Variants in CADM2 observed in about 807,000 individuals in gnomAD.
CADM2 encodes immunoglobulin superfamily member 4D.
A neutral mutation model predicts 49.8 loss-of-function variants in CADM2; 12 were observed. The observed-to-expected ratio is 0.24, with a 90% confidence interval of 0.15 to 0.39. CADM2 has a LOEUF of 0.39. CADM2 is among the 10% of genes least tolerant of loss of function. CADM2 has a pLI of 1.00. For synonymous variants in CADM2, 214 were observed against 175.4 expected, an observed-to-expected ratio of 1.22 and a Z score of -1.74; for missense variants, 378 against 492.3, an observed-to-expected ratio of 0.77 and a Z score of 2.20.
In CADM2 at chr3:85,448,839, A is replaced by G. The variant is rs554820513; in HGVS notation, c.62-277683A>G. Among the ~76,000 whole-genome samples, 309 of 151,976 alleles carry G rather than the reference A, an allele frequency of 2.0e-3. 1 individual carries two copies. The highest frequency in any genetic ancestry group is 4.0e-3 in the Non-Finnish European group (271 of 67,934). On this transcript the variant is annotated intron_variant, in intron 1 of 9. Transcript: ENST00000383699. ...GTCGAGGCTTGTGGATCACGAGGTC[A>G]GGAGATCGAGACCATCCTGGCTAAC... is the stretch of plus-strand genomic sequence containing the variant.
At chr3:85,213,320 A>G (rs2041845510) in intron 1 of CADM2, among the ~76,000 whole-genome samples, 2 of 151,928 alleles carry the variant, frequency 1.3e-5, no homozygotes, top group Admixed American at 1.3e-4. Flanking sequence ...TGTTTGAAGA[A>G]TATTTTCACT....
chr3:85,020,309 C>T (rs542287934), intron 1 of CADM2, among the ~76,000 whole-genome samples: 25 of 152,188 alleles, frequency 1.6e-4, no homozygotes, highest in African/African-American at 6.0e-4. Context: ...CAGACATTTG[C>T]TTTAGGATTA....
At chr3:85,177,595 G>T (rs773882592) in intron 1 of CADM2, among the ~76,000 whole-genome samples, 3 of 151,736 alleles carry the variant, frequency 2.0e-5, no homozygotes, top group Non-Finnish European at 4.4e-5. Context: ...CAAGGTGACT[G>T]CAGAAAACCC....
chr3:85,544,446 G>C (rs1236579386), intron 1 of CADM2, among the ~76,000 whole-genome samples: 2 of 152,072 alleles, frequency 1.3e-5, no homozygotes, highest in African/African-American at 2.4e-5. Context: ...GCGCTGTGGC[G>C]GACGCCTGTA....
At chr3:85,692,097 C>T (rs1399625065) in intron 1 of CADM2, among the ~76,000 whole-genome samples, 2 of 152,010 alleles carry the variant, frequency 1.3e-5, no homozygotes, top group East Asian at 1.9e-4. Context: ...GCACAATGTG[C>T]ACATGTACCC....
chr3:84,973,414 G>A (rs1258288006), intron 1 of CADM2, among the ~76,000 whole-genome samples: 4 of 151,836 alleles, frequency 2.6e-5, no homozygotes, highest in African/African-American at 7.3e-5. Flanking sequence ...TCCTGAAAAC[G>A]TTCTCAGTAT....
chr3:85,147,275 C>CAAAAA (rs759888985), intron 1 of CADM2, among the ~76,000 whole-genome samples: 29 of 46,002 alleles, frequency 6.3e-4, no homozygotes, highest in East Asian at 1.4e-3. Flanking sequence ...GACTCTGTCT[C>CAAAAA]AAAAAAAAAA....
chr3:85,650,257 G>A (rs1456754133), intron 1 of CADM2, among the ~76,000 whole-genome samples: 1 of 152,140 alleles, frequency 6.6e-6, no homozygotes, highest in African/African-American at 2.4e-5. Context: ...ACACTACTGG[G>A]GAAGTAAGGA....
intron 1 of CADM2, among the ~76,000 whole-genome samples, chr3:85,324,031 A>G (rs139615680): frequency 1.3e-5 from 2 of 152,288 alleles, no homozygotes; most frequent in African/African-American, 2.4e-5. Context: ...ACTGCTATTA[A>G]TAGACAATAT....
At chr3:85,787,648 C>T (rs1253853097) in intron 2 of CADM2, among the ~76,000 whole-genome samples, 1 of 152,074 alleles carries the variant, frequency 6.6e-6, no homozygotes, top group Non-Finnish European at 1.5e-5. Flanking sequence ...GAAACATATG[C>T]CTATATAAAT....
intron 1 of CADM2, among the ~76,000 whole-genome samples, chr3:85,163,849 A>C (rs2040397748): frequency 1.3e-5 from 2 of 152,062 alleles, no homozygotes; most frequent in African/African-American, 4.8e-5. Context: ...GAGTTATGCA[A>C]CACCAATACA....
chr3:85,592,574 T>G (rs1311823896), intron 1 of CADM2, among the ~76,000 whole-genome samples: 1 of 151,976 alleles, frequency 6.6e-6, no homozygotes, highest in African/African-American at 2.4e-5. Context: ...AACAATACCT[T>G]TATATCTAGA....
At chr3:86,032,900 T>G (rs190818862) in intron 8 of CADM2, among the ~76,000 whole-genome samples, 1 of 152,048 alleles carries the variant, frequency 6.6e-6, no homozygotes, top group Admixed American at 6.6e-5. Context: ...TCTTTTCTTA[T>G]TTTCCTGAAA....
chr3:85,780,749 G>C (rs2070596631), intron 2 of CADM2, among the ~76,000 whole-genome samples: 1 of 152,052 alleles, frequency 6.6e-6, no homozygotes, highest in Non-Finnish European at 1.5e-5. Context: ...TTAGATATGT[G>C]ATTCCCTCTA....
chr3:85,747,950 A>C (rs2068687746), intron 2 of CADM2, among the ~76,000 whole-genome samples: 5 of 152,130 alleles, frequency 3.3e-5, no homozygotes, highest in Admixed American at 3.3e-4. Flanking sequence ...TAATTGATAC[A>C]GTAAAACTTT....
At position 85,450,372 on chromosome 3, in the gene CADM2, C is replaced by A. The variant is rs114932625; in HGVS notation, c.62-276150C>A. Among the ~76,000 whole-genome samples, 448 of 152,040 alleles carry A rather than the reference C, an allele frequency of 2.9e-3. 4 individuals carry two copies. The highest frequency in any genetic ancestry group is 0.01 in the African/African-American group (431 of 41,508). Reference sequence around the variant, plus strand: ...CTATGTTATTGCATATAAATATGTACATATACACATAAATACGCATACATG... The same window carrying A: ...CTATGTTATTGCATATAAATATGTAAATATACACATAAATACGCATACATG... On this transcript the variant is annotated intron_variant, in intron 1 of 9. Transcript: ENST00000383699.
chr3:85,017,222 AGTGGATG>A (rs2034290635), intron 1 of CADM2, among the ~76,000 whole-genome samples: 1 of 152,210 alleles, frequency 6.6e-6, no homozygotes, highest in African/African-American at 2.4e-5. Flanking sequence ...ATGACTATTA[AGTGGATG>A]GAATTCCTAT....
At chr3:85,702,402 T>TA (rs1368526087) in intron 1 of CADM2, among the ~76,000 whole-genome samples, 1 of 152,118 alleles carries the variant, frequency 6.6e-6, no homozygotes, top group Non-Finnish European at 1.5e-5. Flanking sequence ...CCTATCTATC[T>TA]AGTCCACAGC....
At chr3:85,134,356 G>T (rs888313508) in intron 1 of CADM2, among the ~76,000 whole-genome samples, 2 of 152,254 alleles carry the variant, frequency 1.3e-5, no homozygotes, top group African/African-American at 4.8e-5. Flanking sequence ...GCCAAAGTGG[G>T]AGCCCAGGCA....
Sources: gnomAD v4.1 joint callset for allele counts (sites outside exome capture counted in the v4.1 genomes callset) on GRCh38, gnomAD v4.1.1 for gene constraint, MANE v1.5 for transcripts, NCBI Gene and HGNC (gene_info 2026-07-23, HGNC 2026-07-21) for gene names.